The following IKBKB-DT variants were observed in gnomAD, a reference collection of about 807,000 sequenced individuals.
IKBKB-DT encodes the protein IKBKB divergent transcript.
At chr8:42,246,596 G>A (rs899355878) in intron 3 of IKBKB-DT, among the ~76,000 whole-genome samples, 3 of 152,166 alleles carry the variant, frequency 2.0e-5, no homozygotes, top group Non-Finnish European at 4.4e-5. Flanking sequence ...TTAGCTCTAC[G>A]ATATCAGTAA....
chr8:42,257,427 G>A (rs188628137), intron 3 of IKBKB-DT, among the ~76,000 whole-genome samples: 151 of 152,022 alleles, frequency 9.9e-4, no homozygotes, highest in African/African-American at 3.0e-3. Flanking sequence ...TCTTGAACCC[G>A]GAGGTGGAGG....
At chr8:42,235,693 C>T (rs762586611) in intron 3 of IKBKB-DT, among the ~76,000 whole-genome samples, 5 of 152,212 alleles carry the variant, frequency 3.3e-5, no homozygotes, top group South Asian at 2.1e-4. Flanking sequence ...CTCCTAACCT[C>T]CAAGCCTCTG....
chr8:42,268,593 G>A (rs1401747699), intron 1 of IKBKB-DT, among the ~76,000 whole-genome samples: 2 of 147,214 alleles, frequency 1.4e-5, no homozygotes, highest in African/African-American at 5.0e-5. Context: ...TTGAGATGGA[G>A]TCTCGCTCTG....
chr8:42,268,004 C>A (rs868007556), intron 1 of IKBKB-DT, among the ~76,000 whole-genome samples: 1 of 152,034 alleles, frequency 6.6e-6, no homozygotes, highest in Non-Finnish European at 1.5e-5. Context: ...GGCATATTAG[C>A]GGACATCTTG....
intron 3 of IKBKB-DT, among the ~76,000 whole-genome samples, chr8:42,249,520 A>G (rs1334981776): frequency 6.6e-6 from 1 of 151,806 alleles, no homozygotes; most frequent in Non-Finnish European, 1.5e-5. Flanking sequence ...TTTTGATTCT[A>G]CCAGGGGAAA....
chr8:42,248,719 A>C (rs1807092453), intron 3 of IKBKB-DT, among the ~76,000 whole-genome samples: 1 of 152,010 alleles, frequency 6.6e-6, no homozygotes, highest in Non-Finnish European at 1.5e-5. Context: ...TCTCTACTGA[A>C]AATACAAAAA....
At chr8:42,261,316 A>C (rs897498814) in intron 3 of IKBKB-DT, among the ~76,000 whole-genome samples, 1 of 152,078 alleles carries the variant, frequency 6.6e-6, no homozygotes, top group African/African-American at 2.4e-5. Flanking sequence ...TGACAGTGAG[A>C]CCCTATTCAC....
chr8:42,236,065 T>C (rs997039008), intron 3 of IKBKB-DT, among the ~76,000 whole-genome samples: 14 of 151,896 alleles, frequency 9.2e-5, no homozygotes. Flanking sequence ...ACTAGAATTA[T>C]GACTGATAAC....
chr8:42,257,374 C>T (rs1051801388), intron 3 of IKBKB-DT, among the ~76,000 whole-genome samples: 24 of 151,830 alleles, frequency 1.6e-4, no homozygotes, highest in South Asian at 4.2e-4. Context: ...TGGTGGCACG[C>T]GCCTGTAGTC....
intron 3 of IKBKB-DT, among the ~76,000 whole-genome samples, chr8:42,253,582 C>A (rs568105874): frequency 1.7e-4 from 26 of 152,152 alleles, no homozygotes; most frequent in Non-Finnish European, 3.1e-4. Context: ...GTCCAGTTTG[C>A]AGGTAAATAA....
chr8:42,246,446 C>T (rs1807066173), intron 3 of IKBKB-DT, among the ~76,000 whole-genome samples: 1 of 152,136 alleles, frequency 6.6e-6, no homozygotes, highest in Non-Finnish European at 1.5e-5. Context: ...CTCTGGTTCC[C>T]TTCTCCCCAA....
chr8:42,234,306 C>T (rs1806890712), intron 3 of IKBKB-DT, among the ~76,000 whole-genome samples: 1 of 152,186 alleles, frequency 6.6e-6, no homozygotes, highest in Non-Finnish European at 1.5e-5. Context: ...ATGAGGCCCT[C>T]TCCTGCCCTG....
intron 2 of IKBKB-DT, among the ~76,000 whole-genome samples, chr8:42,264,435 C>T (rs1807342833): frequency 6.6e-6 from 1 of 152,110 alleles, no homozygotes; most frequent in Admixed American, 6.5e-5. Flanking sequence ...GGATTATAGG[C>T]ATGACCCACT....
At chr8:42,270,797 G>C (rs1330323326) in exon 1 of IKBKB-DT, 1 of 152,668 alleles carries the variant, frequency 6.6e-6, no homozygotes, top group Admixed American at 6.5e-5. Context: ...GGTGCAGTTT[G>C]GCTTCACACT....
intron 3 of IKBKB-DT, among the ~76,000 whole-genome samples, chr8:42,239,337 C>G (rs1806968287): frequency 6.6e-6 from 1 of 151,818 alleles, no homozygotes; most frequent in Non-Finnish European, 1.5e-5. Flanking sequence ...TTCTCGCTCC[C>G]TTTAGCCGCC....
At chr8:42,245,116 G>T (rs548711804) in intron 3 of IKBKB-DT, among the ~76,000 whole-genome samples, 2 of 152,076 alleles carry the variant, frequency 1.3e-5, no homozygotes, top group African/African-American at 4.8e-5. Context: ...TTAGCCAGGC[G>T]TGGTGGCACG....
At chr8:42,268,460 G>A (rs1394755058) in intron 1 of IKBKB-DT, among the ~76,000 whole-genome samples, 3 of 151,754 alleles carry the variant, frequency 2.0e-5, no homozygotes, top group Admixed American at 6.6e-5. Context: ...TAGTAGAGAC[G>A]GGGTTTCACT....
chr8:42,271,224 A>T, exon 1 of IKBKB-DT: 1 of 636,712 alleles, frequency 1.6e-6, no homozygotes, highest in Non-Finnish European at 2.9e-6. Context: ...GGACAGGCGC[A>T]GCACTCGCAG....
chr8:42,240,227 T>G (rs1208690777), intron 3 of IKBKB-DT, among the ~76,000 whole-genome samples: 5 of 151,954 alleles, frequency 3.3e-5, no homozygotes, highest in Non-Finnish European at 7.4e-5. Context: ...AATGCTGTTT[T>G]TTTTTTTTTT....
Sources: gnomAD v4.1 joint callset for allele counts (sites outside exome capture counted in the v4.1 genomes callset) on GRCh38, gnomAD v4.1.1 for gene constraint, MANE v1.5 for transcripts, NCBI Gene and HGNC (gene_info 2026-07-23, HGNC 2026-07-21) for gene names.